ABLIM1: variants seen among roughly 807,000 people sequenced by gnomAD.
ABLIM1 encodes actin binding LIM protein 1.
Under a neutral mutation model 107.0 loss-of-function variants are expected in ABLIM1, and 40 were observed. The observed-to-expected ratio is 0.37, with a 90% CI of 0.29 to 0.49. The LOEUF is 0.49. ABLIM1 is among the 20% of genes least tolerant of loss of function. ABLIM1 has a pLI of 0.97. For synonymous variants in ABLIM1, 357 were observed against 357.3 expected (o/e 1.00, Z 0.01); for missense variants, 857 against 1,008.5 (o/e 0.85, Z 2.04).
At chr10:114,793,103 G>A in the ABLIM1 span, among the ~76,000 whole-genome samples, 2 of 152,186 alleles carry the variant, frequency 1.3e-5, no homozygotes, top group African/African-American at 4.8e-5. Context: ...AGTAAGCCGA[G>A]ATCGCGCCTC....
chr10:114,753,627 T>C (rs908380607), intron 1 of ABLIM1, among the ~76,000 whole-genome samples: 10 of 152,122 alleles, frequency 6.6e-5, no homozygotes, highest in South Asian at 2.1e-4. Context: ...TAGGAGATAG[T>C]AGTTTTATAG....
intron 12 of ABLIM1, among the ~76,000 whole-genome samples, chr10:114,462,707 A>G (rs946542635): frequency 5.3e-5 from 8 of 152,122 alleles, no homozygotes; most frequent in Non-Finnish European, 8.8e-5. Context: ...AAAATATTCC[A>G]ATTATATATA....
At chr10:114,675,694 T>C (rs1441067644) in intron 1 of ABLIM1, among the ~76,000 whole-genome samples, 1 of 152,230 alleles carries the variant, frequency 6.6e-6, no homozygotes, top group African/African-American at 2.4e-5. Flanking sequence ...GTACTAGTTT[T>C]CTGGGGCTTC....
chr10:114,518,212 T>C (rs1424256027), intron 6 of ABLIM1, among the ~76,000 whole-genome samples: 1 of 152,136 alleles, frequency 6.6e-6, no homozygotes, highest in Admixed American at 6.5e-5. Flanking sequence ...ACATCCTATA[T>C]GAAAAAATTT....
chr10:114,568,873 T>A (rs751180780), intron 4 of ABLIM1, among the ~76,000 whole-genome samples: 7 of 152,200 alleles, frequency 4.6e-5, no homozygotes, highest in Non-Finnish European at 1.0e-4. Flanking sequence ...TTCATTTACA[T>A]GTGCATAACA....
chr10:114,497,768 G>A, intron 6 of ABLIM1, among the ~76,000 whole-genome samples: 1 of 151,704 alleles, frequency 6.6e-6, no homozygotes, highest in Non-Finnish European at 1.5e-5. Context: ...ACTACACTGT[G>A]GCTAGCATGA....
intron 1 of ABLIM1, among the ~76,000 whole-genome samples, chr10:114,623,252 C>T (rs1014387): frequency 0.029 from 4,455 of 152,314 alleles, 84 homozygotes; most frequent in Middle Eastern, 0.041. Context: ...CCTGTGCCTT[C>T]ATTCTGAATT....
chr10:114,515,655 T>C (rs1339254837), intron 6 of ABLIM1, among the ~76,000 whole-genome samples: 1 of 152,224 alleles, frequency 6.6e-6, no homozygotes, highest in Non-Finnish European at 1.5e-5. Context: ...CCTCAGGGTG[T>C]GACCTTATTT....
intron 1 of ABLIM1, among the ~76,000 whole-genome samples, chr10:114,677,307 G>A (rs1358356770): frequency 1.3e-5 from 2 of 152,158 alleles, no homozygotes; most frequent in African/African-American, 4.8e-5. Flanking sequence ...CTTCTTCTGT[G>A]TGTATTATGA....
chr10:114,572,643 T>C (rs1002205638), intron 3 of ABLIM1, among the ~76,000 whole-genome samples: 3 of 152,186 alleles, frequency 2.0e-5, no homozygotes, highest in African/African-American at 7.2e-5. Context: ...CAGGTGCAGA[T>C]GGCATCCACC....
At chr10:114,447,227 A>T (rs957741705) in intron 15 of ABLIM1, among the ~76,000 whole-genome samples, 3 of 152,178 alleles carry the variant, frequency 2.0e-5, no homozygotes, top group Admixed American at 1.3e-4. Flanking sequence ...ACACAGACAT[A>T]ATTGGAAAGC....
At chr10:114,662,123 A>G (rs1326404901), upstream of ABLIM1, among the ~76,000 whole-genome samples, 2 of 152,214 alleles carry the variant, frequency 1.3e-5, no homozygotes, top group African/African-American at 2.4e-5. Context: ...AAATTTTCTC[A>G]GAGAGCAAAT....
At chr10:114,496,448 A>C (rs1197473278) in intron 6 of ABLIM1, among the ~76,000 whole-genome samples, 1 of 151,538 alleles carries the variant, frequency 6.6e-6, no homozygotes, top group South Asian at 2.1e-4. Context: ...GAGCTGAACA[A>C]TGAGAACACA....
intron 1 of ABLIM1, among the ~76,000 whole-genome samples, chr10:114,737,593 T>C (rs561819947): frequency 6.6e-6 from 1 of 152,312 alleles, no homozygotes; most frequent in East Asian, 1.9e-4. Context: ...TCTAATGTTG[T>C]GTGATCAACA....
At chr10:114,453,959 G>C (rs1185584121) in intron 12 of ABLIM1, among the ~76,000 whole-genome samples, 4 of 152,188 alleles carry the variant, frequency 2.6e-5, no homozygotes, top group South Asian at 4.1e-4. Flanking sequence ...TTAAGTCTGG[G>C]AACCCGTGTG....
At chr10:114,516,286 G>A (rs1422408129) in intron 6 of ABLIM1, among the ~76,000 whole-genome samples, 1 of 152,174 alleles carries the variant, frequency 6.6e-6, no homozygotes, top group Non-Finnish European at 1.5e-5. Context: ...CACTTTGGGA[G>A]GCCAAGGCAG....
Position 114,524,984 on chromosome 10 carries a change from C to T in ABLIM1, c.894+20021G>A, listed in dbSNP as rs181658299. 2.2e-4 allele frequency among the ~76,000 whole-genome samples: 33 copies of T among 152,390 alleles called. 1 individual carries two copies. In the South Asian group the frequency reaches 4.6e-3, roughly 21 times the overall value. ...CCAGCCTCCTCTCATAGACCCTTCC[C>T]CCTCGTTGGCAGCAGTAGGCCCCAA... On this transcript the variant is annotated intron_variant, in intron 6 of 22. Coordinates refer to ENST00000533213, the MANE Select transcript of ABLIM1 (RefSeq NM_002313.7).
rs1590189889 is a variant in ABLIM1, at chr10:114,478,860, C to T, written c.1042-4904G>A. Among the ~76,000 whole-genome samples, 6 of 152,264 alleles carry T rather than the reference C, an allele frequency of 3.9e-5. No homozygotes were observed. In the South Asian group the frequency reaches 1.2e-3, roughly 32 times the overall value. ...TGGTAAAATTTACTTCCATGGGCAT[C>T]TTGTTTGCAGGTTGAGTTGCATTCT... On this transcript the variant is annotated intron_variant, in intron 8 of 22. Transcript: ENST00000533213.
At chr10:114,606,588 G>A (rs2076430969) in intron 1 of ABLIM1, among the ~76,000 whole-genome samples, 1 of 152,106 alleles carries the variant, frequency 6.6e-6, no homozygotes, top group Non-Finnish European at 1.5e-5. Flanking sequence ...TCAGTATCTT[G>A]CAGGTAACAT....
Sources: allele counts gnomAD v4.1 joint callset (sites outside exome capture counted in the v4.1 genomes callset), GRCh38; gene constraint gnomAD v4.1.1; transcripts MANE v1.5; gene names NCBI Gene and HGNC (gene_info 2026-07-23, HGNC 2026-07-21).